Variants in PROS1 observed in about 807,000 individuals in gnomAD.
PROS1 encodes the protein protein S.
A neutral mutation model predicts 75.9 loss-of-function variants in PROS1; 29 were observed. The observed-to-expected ratio is 0.38, with a 90% CI of 0.28 to 0.52. PROS1 has a LOEUF of 0.52. Among genes scored for constraint, PROS1 ranks in the 20% least tolerant of loss-of-function variants. The pLI is 0.83. For synonymous variants in PROS1, 245 were observed against 280.6 expected, an observed-to-expected ratio of 0.87 and a Z score of 1.27; for missense variants, 680 against 810.3, an observed-to-expected ratio of 0.84 and a Z score of 1.95.
At position 93,902,749 on chromosome 3, in the gene PROS1, C is replaced by CA. The variant is rs529822667; in HGVS notation, c.602-1821dup. 2.7e-3 allele frequency among the ~76,000 whole-genome samples: 347 copies of CA among 130,650 alleles called. 1 individual carries two copies. The highest frequency in any genetic ancestry group is 0.023 in the South Asian group (92 of 4,054). 85.7% of individuals were successfully genotyped at this position (130,650 alleles called of 152,430 possible). On this transcript the variant is annotated intron_variant, in intron 6 of 14. Transcript: ENST00000394236. Reference sequence around the variant, plus strand: ...TGGGCATCATAGCGAGACTCTGTCTCAAAAAAAAAAAAGAAGAAGAAGAAG... The same window carrying CA: ...TGGGCATCATAGCGAGACTCTGTCTCAAAAAAAAAAAAAGAAGAAGAAGAAG...
chr3:93,876,764 G>A (rs1384910445), intron 14 of PROS1, among the ~76,000 whole-genome samples: 1 of 151,928 alleles, frequency 6.6e-6, no homozygotes, highest in Non-Finnish European at 1.5e-5. Context: ...AACTTGATCA[G>A]CCTTAGTTCA....
chr3:93,893,219 C>G, intron 9 of PROS1, 97 bp from the exon 10 acceptor site: 1 of 1,074,282 alleles, frequency 9.3e-7, no homozygotes, highest in South Asian at 1.4e-5. Flanking sequence ...GTAACACAGA[C>G]AAAGAGTCAA....
chr3:93,953,103 A>G (rs1278935897), intron 1 of PROS1, among the ~76,000 whole-genome samples: 7 of 152,202 alleles, frequency 4.6e-5, no homozygotes, highest in Admixed American at 3.9e-4. Flanking sequence ...TACCAACCAA[A>G]AAAAGACCAG....
chr3:93,912,745 G>A (rs1401876160), intron 3 of PROS1, among the ~76,000 whole-genome samples: 2 of 152,124 alleles, frequency 1.3e-5, no homozygotes, highest in African/African-American at 2.4e-5. Context: ...AAAAGAGGGC[G>A]AAAGAGCAAG....
At chr3:93,953,460 C>T (rs1709539664) in intron 1 of PROS1, among the ~76,000 whole-genome samples, 1 of 152,178 alleles carries the variant, frequency 6.6e-6, no homozygotes, top group African/African-American at 2.4e-5. Context: ...AGCATATAAA[C>T]AGAACCAAAG....
chr3:93,946,123 G>C (rs1025295744), intron 1 of PROS1, among the ~76,000 whole-genome samples: 1 of 152,110 alleles, frequency 6.6e-6, no homozygotes, highest in Non-Finnish European at 1.5e-5. Context: ...TCTTCAAGGA[G>C]AACTACACAC....
intron 1 of PROS1, among the ~76,000 whole-genome samples, chr3:93,945,951 T>A (rs1485086323): frequency 6.6e-6 from 1 of 152,212 alleles, no homozygotes; most frequent in Non-Finnish European, 1.5e-5. Context: ...GATAAGCAAC[T>A]TCAGCAAAGT....
chr3:93,896,208 A>G (rs1708499339), intron 9 of PROS1, among the ~76,000 whole-genome samples: 1 of 152,180 alleles, frequency 6.6e-6, no homozygotes, highest in South Asian at 2.1e-4. Context: ...TAAAAGCAAT[A>G]CTGAGTATTT....
intron 1 of PROS1, among the ~76,000 whole-genome samples, chr3:93,954,699 T>C (rs543398337): frequency 6.6e-6 from 1 of 152,278 alleles, no homozygotes; most frequent in African/African-American, 2.4e-5. Context: ...CCAAAAGCAA[T>C]GGCAACAAAA....
chr3:93,910,673 T>C lies in PROS1; in HGVS notation c.292A>G (p.Thr98Ala), dbSNP rs747923334. 53 of 1,613,500 alleles carry C rather than the reference T, an allele frequency of 3.3e-5. No individual in the cohort carries two copies. The highest frequency in any genetic ancestry group is 4.2e-5 in the Non-Finnish European group (49 of 1,179,730). The change falls in exon 4 of 15, where the codon ACT becomes GCT. Residue 98 changes from threonine (T) to alanine (A), a missense_variant. Transcript: ENST00000394236. ...CLRSFQTGLFTAARQSTNAYP... is the reference protein window; with the variant it reads ...CLRSFQTGLFAAARQSTNAYP... ...GCATTAGTTGACTGACGTGCAGCAG[T>C]GAATAACCCAGTTTGAAAAGAGCGA...
intron 1 of PROS1, among the ~76,000 whole-genome samples, chr3:93,954,412 A>T (rs1709563158): frequency 6.6e-6 from 1 of 152,212 alleles, no homozygotes; most frequent in African/African-American, 2.4e-5. Context: ...AACCCTTAGA[A>T]ATAATACCAC....
chr3:93,899,444 AT>A (rs1708552515), intron 7 of PROS1, among the ~76,000 whole-genome samples: 1 of 152,158 alleles, frequency 6.6e-6, no homozygotes, highest in Non-Finnish European at 1.5e-5. Flanking sequence ...ATTGCATATT[AT>A]TAAAGTTATA....
chr3:93,972,773 CG>C (rs997239036), intron 1 of PROS1, among the ~76,000 whole-genome samples: 1 of 151,950 alleles, frequency 6.6e-6, no homozygotes, highest in Non-Finnish European at 1.5e-5. Context: ...CACTTGAAGC[CG>C]GGGGGCGGAG....
chr3:93,957,983 G>T (rs1709634677), intron 1 of PROS1, among the ~76,000 whole-genome samples: 1 of 152,040 alleles, frequency 6.6e-6, no homozygotes, highest in South Asian at 2.1e-4. Context: ...AGCTACTCAG[G>T]AGGCTGAGGC....
chr3:93,898,810 TTAAG>T lies in PROS1; in HGVS notation c.728-245_728-242del, dbSNP rs549453131. ...AAAATTAATTTATAACTTTCAGTGA[TTAAG>T]TAAAGTATAACAATTCTACCAAATT... is the stretch of plus-strand genomic sequence containing the variant. On this transcript the variant is annotated intron_variant, in intron 7 of 14. Coordinates refer to ENST00000394236, the MANE Select transcript of PROS1 (RefSeq NM_000313.4). Among the ~76,000 whole-genome samples, 242 of 152,134 alleles carry T rather than the reference TTAAG, an allele frequency of 1.6e-3. 1 individual carries two copies. The highest frequency in any genetic ancestry group is 5.4e-3 in the African/African-American group (224 of 41,494).
At chr3:93,937,468 T>C (rs1576203972) in intron 1 of PROS1, among the ~76,000 whole-genome samples, 1 of 151,362 alleles carries the variant, frequency 6.6e-6, no homozygotes, top group African/African-American at 2.4e-5. Context: ...CCTGGGTTCA[T>C]GCCATTCTCC....
chr3:93,951,110 T>A (rs2107242932), intron 1 of PROS1, among the ~76,000 whole-genome samples: 1 of 152,312 alleles, frequency 6.6e-6, no homozygotes, highest in East Asian at 1.9e-4. Flanking sequence ...AGGCCAAATC[T>A]ATGTCTGATT....
intron 14 of PROS1, among the ~76,000 whole-genome samples, chr3:93,875,304 A>C (rs1050819474): frequency 2.6e-5 from 4 of 152,064 alleles, no homozygotes; most frequent in African/African-American, 9.7e-5. Flanking sequence ...GGAATTTTAC[A>C]TGCCTACTTT....
intron 1 of PROS1, among the ~76,000 whole-genome samples, chr3:93,929,269 G>A (rs1709070829): frequency 6.6e-6 from 1 of 152,124 alleles, no homozygotes; most frequent in East Asian, 1.9e-4. Flanking sequence ...CTTGAGCCAA[G>A]GAGTTCAAGA....
Sources: gnomAD v4.1 joint callset for allele counts (sites outside exome capture counted in the v4.1 genomes callset) on GRCh38, gnomAD v4.1.1 for gene constraint, MANE v1.5 for transcripts, NCBI Gene and HGNC (gene_info 2026-07-23, HGNC 2026-07-21) for gene names.